FAM228B: variants seen among roughly 807,000 people sequenced by gnomAD.
FAM228B encodes the protein protein FAM228B.
FAM228B carries 38 observed loss-of-function variants against 42.6 expected under a neutral mutation model. That is an observed-to-expected ratio of 0.89 (90% CI 0.69 to 1.17). The LOEUF is 1.17. Among genes scored for constraint, FAM228B ranks in the 50% most tolerant of loss-of-function variants. The pLI is 0.00. For synonymous variants in FAM228B, 109 were observed against 122.3 expected, an observed-to-expected ratio of 0.89 and a Z score of 0.72; for missense variants, 344 against 367.3, an observed-to-expected ratio of 0.94 and a Z score of 0.52.
rs565263666 is a variant in FAM228B at position 24,110,070 on chromosome 2, G to A, written c.-121+14841G>A. On this transcript the variant is annotated intron_variant, in intron 3 of 10. Coordinates refer to the FAM228B transcript ENST00000613899. ...ATGGTAGACAGGATAAAGAAAATGT[G>A]GTATATATACATCATGGAATATTAT... 5.3e-5 allele frequency among the ~76,000 whole-genome samples: 8 copies of A among 152,216 alleles called. No homozygotes were observed. In the East Asian group the frequency reaches 1.5e-3, roughly 29 times the overall value.
intron 7 of FAM228B, among the ~76,000 whole-genome samples, chr2:24,160,138 C>T (rs1185121672): frequency 6.6e-6 from 1 of 151,980 alleles, no homozygotes; most frequent in East Asian, 1.9e-4. Flanking sequence ...TACAGGCATG[C>T]ACCACTACAC....
Position 24,167,728 on chromosome 2 carries a change from C to A in FAM228B, c.*14+45C>A, listed in dbSNP as rs370132411. On this transcript the variant is annotated intron_variant, in intron 10 of 10. Transcript: ENST00000615575. The stretch of plus-strand genomic sequence containing the variant: ...CCCTTCTTACTCTCCTATTCCTTAC[C>A]CCTGTTTCTTGCCACTGTGATTTCT... The A allele has an allele frequency of 1.8e-4, 281 of 1,547,598 alleles. 1 individual carries two copies. In the African/African-American group the frequency reaches 3.1e-3, roughly 17 times the overall value.
At chr2:24,166,788 T>A (rs1667427442) in intron 9 of FAM228B, among the ~76,000 whole-genome samples, 1 of 151,930 alleles carries the variant, frequency 6.6e-6, no homozygotes, top group African/African-American at 2.4e-5. Flanking sequence ...TGAGATGACG[T>A]TTGTGCAGCA....
In FAM228B at chr2:24,139,447, G is replaced by T; in HGVS notation, c.438G>T (p.Leu146=). 1.3e-6 allele frequency: 2 copies of T among 1,539,284 alleles called. No individual in the cohort carries two copies. Among genetic ancestry groups the T allele is most frequent in the Non-Finnish European group, 1.8e-6 (2 of 1,136,498 alleles). ...FYMSKKDPNF[L]KVTIPPFHDP... Reference sequence around the variant, plus strand: ...TGAGCAAGAAGGACCCCAATTTTCTGAAGGTAGGGTAGATTTCTTTTTTTT... The same window carrying T: ...TGAGCAAGAAGGACCCCAATTTTCTTAAGGTAGGGTAGATTTCTTTTTTTT... The change falls in exon 5 of 11, where the codon CTG becomes CTT. Residue 146 remains leucine, a synonymous_variant. Transcript: ENST00000615575.
intron 2 of FAM228B, among the ~76,000 whole-genome samples, chr2:24,126,809 TAGAG>T (rs71397405): frequency 0.53 from 80,637 of 150,856 alleles, 21,955 homozygotes; most frequent in East Asian, 0.77. Context: ...AAAAAAAAAG[TAGAG>T]AGGGGTTTCA....
At chr2:24,081,005 G>A in intron 2 of FAM228B, 1 of 1,614,090 alleles carries the variant, frequency 6.2e-7, no homozygotes, top group South Asian at 1.1e-5. Flanking sequence ...GCATGGATTA[G>A]CACATAGTCT....
At chr2:24,159,335 C>T (rs1317244079) in intron 7 of FAM228B, among the ~76,000 whole-genome samples, 2 of 152,056 alleles carry the variant, frequency 1.3e-5, no homozygotes, top group African/African-American at 2.4e-5. Context: ...CATTCACAAT[C>T]GAATAGAGAA....
intron 9 of FAM228B, chr2:24,166,090 T>TATAG (rs1266908795): frequency 3.3e-4 from 49 of 147,646 alleles, no homozygotes; most frequent in African/African-American, 8.6e-4. Flanking sequence ...TTCACATATA[T>TATAG]ATAGATAGAT....
chr2:24,114,052 G>A (rs75354157), intron 3 of FAM228B, among the ~76,000 whole-genome samples: 2,537 of 152,302 alleles, frequency 0.017, 38 homozygotes, highest in South Asian at 0.035. Context: ...TAAGTTCTGT[G>A]TAAGGCTATT....
intron 2 of FAM228B, among the ~76,000 whole-genome samples, chr2:24,129,757 A>G (rs1408097396): frequency 2.0e-5 from 3 of 151,940 alleles, no homozygotes; most frequent in Non-Finnish European, 4.4e-5. Flanking sequence ...CTGTCCTCAA[A>G]TCCTTGTCTT....
At chr2:24,092,382 C>T (rs1299739247) in intron 2 of FAM228B, among the ~76,000 whole-genome samples, 3 of 151,960 alleles carry the variant, frequency 2.0e-5, no homozygotes, top group Admixed American at 2.0e-4. Flanking sequence ...CTAGACCAGC[C>T]TGGCCAACAT....
intron 3 of FAM228B, chr2:24,096,284 T>C (rs1665496187): frequency 6.6e-6 from 1 of 152,206 alleles, no homozygotes; most frequent in Non-Finnish European, 1.5e-5. Flanking sequence ...AGAATGACTT[T>C]GACAAGTCGA....
At chr2:24,114,028 AATG>A (rs1461654529) in intron 3 of FAM228B, among the ~76,000 whole-genome samples, 2 of 152,216 alleles carry the variant, frequency 1.3e-5, no homozygotes, top group African/African-American at 2.4e-5. Context: ...TCAGAAAAGG[AATG>A]ATGTTGGAAG....
chr2:24,108,306 C>T (rs1403354779), intron 3 of FAM228B, among the ~76,000 whole-genome samples: 1 of 151,928 alleles, frequency 6.6e-6, no homozygotes, highest in Non-Finnish European at 1.5e-5. Context: ...AACAAACAAA[C>T]AAACAAACAA....
chr2:24,129,135 C>G (rs1327669880), intron 2 of FAM228B, among the ~76,000 whole-genome samples: 1 of 152,008 alleles, frequency 6.6e-6, no homozygotes, highest in Non-Finnish European at 1.5e-5. Context: ...AGCTCTCCTC[C>G]CTCTAGTACT....
upstream of FAM228B, chr2:24,119,619 C>A: frequency 6.2e-7 from 1 of 1,613,906 alleles, no homozygotes; most frequent in Non-Finnish European, 8.5e-7. Flanking sequence ...GGATACATGC[C>A]CTCAGTGTAA....
intron 2 of FAM228B, among the ~76,000 whole-genome samples, chr2:24,090,300 G>A (rs1321338802): frequency 6.6e-6 from 1 of 150,832 alleles, no homozygotes; most frequent in Admixed American, 6.6e-5. Flanking sequence ...AAATTAGCAA[G>A]GACTGGCACG....
intron 1 of FAM228B, 126 bp from the exon 2 acceptor site, chr2:24,124,204 T>C: frequency 1.8e-6 from 1 of 560,900 alleles, no homozygotes; most frequent in Non-Finnish European, 3.2e-6. Flanking sequence ...AGGCCTCTTG[T>C]TAGGGAAACT....
intron 2 of FAM228B, among the ~76,000 whole-genome samples, chr2:24,127,428 A>T (rs1426660019): frequency 6.6e-6 from 1 of 152,146 alleles, no homozygotes; most frequent in Non-Finnish European, 1.5e-5. Context: ...TTTAGGTAAC[A>T]TGATTGCAGT....
Sources: allele counts gnomAD v4.1 joint callset (sites outside exome capture counted in the v4.1 genomes callset), GRCh38; gene constraint gnomAD v4.1.1; transcripts MANE v1.5; gene names NCBI Gene and HGNC (gene_info 2026-07-23, HGNC 2026-07-21).